MSN: variants seen among roughly 807,000 people sequenced by gnomAD.
The protein encoded by MSN is epididymis luminal protein 70.
MSN carries 2 observed loss-of-function variants against 48.0 expected under a neutral mutation model. The observed-to-expected ratio is 0.04, with a 90% CI of 0.02 to 0.13. The LOEUF is 0.13. MSN is among the 10% of genes least tolerant of loss of function. The probability of loss-of-function intolerance (pLI) is 1.00; values close to 1 mark genes in which losing one functional copy is unlikely to be tolerated. For synonymous variants in MSN, 146 were observed against 166.9 expected (o/e 0.87, Z 0.97); for missense variants, 267 against 470.1 (o/e 0.57, Z 3.99).
intron 1 of MSN, among the ~76,000 whole-genome samples, chrX:65,701,151 C>G (rs1225561026): frequency 1.8e-5 from 2 of 111,786 alleles, no homozygotes; most frequent in African/African-American, 6.5e-5. Context: ...GTGTTTAAGA[C>G]GCAGAGAACT....
intron 1 of MSN, chrX:65,624,870 GAAGA>G (rs2070490877): frequency 9.1e-6 from 1 of 109,987 alleles, no homozygotes. Flanking sequence ...AAGAAGGAAG[GAAGA>G]AAGGAAGGAA....
intron 1 of MSN, among the ~76,000 whole-genome samples, chrX:65,634,808 G>C (rs537077724): frequency 1.8e-5 from 2 of 111,453 alleles, no homozygotes; most frequent in South Asian, 7.5e-4. Flanking sequence ...AGTACATGGT[G>C]GATGTGAGTG....
intron 1 of MSN, among the ~76,000 whole-genome samples, chrX:65,604,539 T>C (rs2070262869): frequency 8.9e-6 from 1 of 111,754 alleles, no homozygotes; most frequent in Non-Finnish European, 1.9e-5. Context: ...ATGAATAGGC[T>C]CCTTCTGAAG....
intron 1 of MSN, among the ~76,000 whole-genome samples, chrX:65,660,760 T>G (rs2070816677): frequency 9.0e-6 from 1 of 110,637 alleles, no homozygotes; most frequent in African/African-American, 3.3e-5. Flanking sequence ...AGAGATGAGG[T>G]TTCACCATGT....
rs185328025 is a variant in MSN at position 65,605,084 on chromosome X, G to T, written c.-22+16472G>T. Among the ~76,000 whole-genome samples the T allele has an allele frequency of 1.9e-3, 218 of 112,581 alleles. 1 individual carries two copies. Among genetic ancestry groups the T allele is most frequent in the African/African-American group, 6.5e-3 (202 of 31,044 alleles). ...CCAGATTAATGTTTGACATCTCCAT[G>T]TGATAAATTACCATTTGATAATTTG... is the stretch of plus-strand genomic sequence containing the variant. On this transcript the variant is annotated intron_variant, in intron 1 of 3. Transcript: ENST00000609672.
intron 1 of MSN, among the ~76,000 whole-genome samples, chrX:65,589,283 T>C (rs1391977839): frequency 9.3e-6 from 1 of 107,854 alleles, no homozygotes; most frequent in Non-Finnish European, 1.9e-5. Context: ...GGCCATTTAG[T>C]CTGCAGTTGC....
chrX:65,624,824 G>C (rs2070490063), intron 1 of MSN: 1 of 99,399 alleles, frequency 1.0e-5, no homozygotes, highest in South Asian at 4.4e-4. Context: ...AGAAAAGAAA[G>C]AAGAAAAAAG....
At chrX:65,649,845 G>A (rs966031916) in intron 1 of MSN, among the ~76,000 whole-genome samples, 10 of 106,745 alleles carry the variant, frequency 9.4e-5, no homozygotes, top group South Asian at 4.1e-4. Context: ...AAAATAACAC[G>A]TGAAACAGAC....
At chrX:65,672,641 C>T (rs1181279253) in intron 1 of MSN, among the ~76,000 whole-genome samples, 3 of 111,757 alleles carry the variant, frequency 2.7e-5, no homozygotes, top group Non-Finnish European at 5.6e-5. Context: ...TTTTTCTTCT[C>T]TTTCCATATA....
At chrX:65,615,252 C>T (rs1322732613) in intron 1 of MSN, among the ~76,000 whole-genome samples, 26 of 108,248 alleles carry the variant, frequency 2.4e-4, no homozygotes, top group Non-Finnish European at 4.0e-4. Context: ...ATGGTATTTC[C>T]AGTTCTAGAT....
At chrX:65,655,930 C>A (rs2070777657) in intron 1 of MSN, among the ~76,000 whole-genome samples, 1 of 110,925 alleles carries the variant, frequency 9.0e-6, no homozygotes, top group African/African-American at 3.3e-5. Flanking sequence ...TCATGCCTGG[C>A]TAATTTTTGT....
intron 1 of MSN, among the ~76,000 whole-genome samples, chrX:65,593,646 G>A (rs906444348): frequency 1.8e-5 from 2 of 112,088 alleles, no homozygotes; most frequent in Non-Finnish European, 3.8e-5. Flanking sequence ...AGGTTCAAGC[G>A]ACTCTCCTGC....
At chrX:65,726,999 AG>A (rs1253691057) in intron 2 of MSN, among the ~76,000 whole-genome samples, 4 of 110,879 alleles carry the variant, frequency 3.6e-5, no homozygotes, top group Non-Finnish European at 5.7e-5. Flanking sequence ...TCAGGACAAC[AG>A]GGGGCACCTC....
chrX:65,590,380 C>T (rs915716571), intron 1 of MSN, among the ~76,000 whole-genome samples: 2 of 111,215 alleles, frequency 1.8e-5, no homozygotes, highest in Non-Finnish European at 3.8e-5. Context: ...ACACAGAAGG[C>T]CAGGGACTGC....
intron 1 of MSN, among the ~76,000 whole-genome samples, chrX:65,607,947 T>A (rs1272646786): frequency 8.9e-6 from 1 of 111,778 alleles, no homozygotes; most frequent in African/African-American, 3.3e-5. Flanking sequence ...AGACTCTGTC[T>A]CAATTAAAAT....
intron 1 of MSN, among the ~76,000 whole-genome samples, chrX:65,605,944 T>C (rs1202667191): frequency 9.0e-6 from 1 of 110,780 alleles, no homozygotes; most frequent in Admixed American, 9.6e-5. Flanking sequence ...CATTAATTGA[T>C]TAATCAATCA....
chrX:65,722,404 C>CGTGTGTGT (rs55900091), intron 2 of MSN, among the ~76,000 whole-genome samples: 11,590 of 94,555 alleles, frequency 0.12, 2,224 homozygotes, highest in African/African-American at 0.46. Context: ...CGTGCACGCT[C>CGTGTGTGT]GTGTGTGTGT....
chrX:65,664,451 A>C (rs910117107), upstream of MSN, among the ~76,000 whole-genome samples: 4 of 111,763 alleles, frequency 3.6e-5, no homozygotes, highest in African/African-American at 1.3e-4. Flanking sequence ...ATGAGAAAAT[A>C]ATATTTAAAA....
intron 1 of MSN, among the ~76,000 whole-genome samples, chrX:65,669,825 T>C (rs2070912675): frequency 9.6e-6 from 1 of 103,648 alleles, no homozygotes; most frequent in Non-Finnish European, 2.0e-5. Context: ...ACAACTCTCT[T>C]AAAAAAAAAA....
Sources: allele counts gnomAD v4.1 joint callset (sites outside exome capture counted in the v4.1 genomes callset), GRCh38; gene constraint gnomAD v4.1.1; transcripts MANE v1.5; gene names NCBI Gene and HGNC (gene_info 2026-07-23, HGNC 2026-07-21).